The following CNTN5 variants were observed in gnomAD, a reference collection of about 807,000 sequenced individuals.
CNTN5 encodes the protein contactin-5.
In CNTN5, 77 loss-of-function variants were observed where a neutral mutation model predicts 129.1. That is an observed-to-expected ratio of 0.60 (90% confidence interval 0.50 to 0.72). The LOEUF is 0.72. Ranked by LOEUF, CNTN5 falls within the 30% of genes least tolerant of loss-of-function variation. The pLI is 0.00. For missense variants in CNTN5, 1,478 were observed against 1,328.8 expected, an observed-to-expected ratio of 1.11 and a Z score of -1.75; for synonymous variants, 509 against 465.6, an observed-to-expected ratio of 1.09 and a Z score of -1.20.
intron 1 of CNTN5, among the ~76,000 whole-genome samples, chr11:99,309,114 G>A (rs558453763): frequency 4.3e-4 from 65 of 151,832 alleles, no homozygotes; most frequent in Non-Finnish European, 7.7e-4. Flanking sequence ...TACAACATCA[G>A]GAGTTTTTAT....
intron 9 of CNTN5, among the ~76,000 whole-genome samples, chr11:100,003,085 T>C (rs553288256): frequency 2.8e-4 from 43 of 152,166 alleles, no homozygotes; most frequent in African/African-American, 9.6e-4. Flanking sequence ...CTAGCTAAGG[T>C]AGATTTAAGG....
intron 2 of CNTN5, among the ~76,000 whole-genome samples, chr11:99,469,457 T>C (rs1001469772): frequency 1.3e-5 from 2 of 152,108 alleles, no homozygotes; most frequent in Non-Finnish European, 2.9e-5. Context: ...CATGGTTCTC[T>C]TTCTTGTTTT....
At chr11:99,860,422 G>C (rs996495842) in intron 6 of CNTN5, among the ~76,000 whole-genome samples, 2 of 152,022 alleles carry the variant, frequency 1.3e-5, no homozygotes, top group African/African-American at 4.8e-5. Context: ...TTTCTTTTAG[G>C]ATTCTTATAG....
At chr11:99,409,157 A>G (rs942160485) in intron 2 of CNTN5, among the ~76,000 whole-genome samples, 4 of 152,212 alleles carry the variant, frequency 2.6e-5, no homozygotes, top group African/African-American at 9.6e-5. Context: ...AAGAGTTATT[A>G]GTCACTATCT....
At chr11:99,698,255 A>G (rs1954360039) in intron 3 of CNTN5, among the ~76,000 whole-genome samples, 1 of 125,498 alleles carries the variant, frequency 8.0e-6, no homozygotes, top group South Asian at 2.5e-4. Context: ...TTATTCAAAT[A>G]TTTTCTGTTT....
rs567234458 is a variant in CNTN5, at chr11:99,796,843, A to G, written c.56-22701A>G. Among the ~76,000 whole-genome samples the G allele has an allele frequency of 4.9e-4, 75 of 152,040 alleles. 1 individual carries two copies. Among genetic ancestry groups the G allele is most frequent in the Admixed American group, 2.0e-3 (31 of 15,278 alleles). On this transcript the variant is annotated intron_variant, in intron 3 of 24. Coordinates refer to ENST00000524871, the MANE Select transcript of CNTN5 (RefSeq NM_014361.4). ...TACACTGGCTGGGTTTTTTTCCCCT[A>G]CTACATCTCTAAGCAGCTCTCCCTG...
chr11:99,954,145 T>A (rs1294365094), intron 7 of CNTN5, among the ~76,000 whole-genome samples: 2 of 151,944 alleles, frequency 1.3e-5, no homozygotes, highest in African/African-American at 4.8e-5. Context: ...TAAAGGATAA[T>A]AATAAAAAAA....
intron 24 of CNTN5, 68 bp from the exon 25 acceptor site, chr11:100,356,049 A>C: frequency 9.5e-7 from 1 of 1,057,468 alleles, no homozygotes; most frequent in Non-Finnish European, 1.4e-6. Flanking sequence ...TACATACTAA[A>C]AACAATTCTG....
At chr11:99,286,806 G>A (rs966600592) in intron 1 of CNTN5, among the ~76,000 whole-genome samples, 1 of 152,074 alleles carries the variant, frequency 6.6e-6, no homozygotes, top group Non-Finnish European at 1.5e-5. Context: ...ACTTTATAAT[G>A]TAAGAAAAGG....
chr11:99,089,873 A>G (rs1866168628), intron 1 of CNTN5, among the ~76,000 whole-genome samples: 1 of 152,184 alleles, frequency 6.6e-6, no homozygotes, highest in African/African-American at 2.4e-5. Context: ...TTTACTTGCA[A>G]GGTAGTCTTT....
intron 10 of CNTN5, among the ~76,000 whole-genome samples, chr11:100,064,339 C>G (rs1014880696): frequency 6.6e-6 from 1 of 152,060 alleles, no homozygotes; most frequent in Non-Finnish European, 1.5e-5. Flanking sequence ...TATAAAAGTG[C>G]TATATAGATA....
chr11:99,652,977 T>C (rs1241784487), intron 3 of CNTN5, among the ~76,000 whole-genome samples: 2 of 151,958 alleles, frequency 1.3e-5, no homozygotes, highest in African/African-American at 2.4e-5. Context: ...TATATAAACC[T>C]TGGGGTAAGC....
chr11:99,124,703 G>A lies in CNTN5; in HGVS notation c.-210+103433G>A, dbSNP rs558921073. ...GTTTGTTAATTGAAAACATTAATAA[G>A]ATAGAGTGCTAGCTAGAGTAATAAG... On this transcript the variant is annotated intron_variant, in intron 1 of 24. Transcript: ENST00000524871. Among the ~76,000 whole-genome samples the A allele has an allele frequency of 3.3e-5, 5 of 151,798 alleles. No homozygotes were observed. In the South Asian group the frequency reaches 1.0e-3, roughly 32 times the overall value.
chr11:99,081,141 T>C (rs534478267), intron 1 of CNTN5, among the ~76,000 whole-genome samples: 1 of 152,280 alleles, frequency 6.6e-6, no homozygotes, highest in East Asian at 1.9e-4. Flanking sequence ...AAACAAAACA[T>C]CCCATTGTAC....
At chr11:100,182,989 ATATG>A (rs1299005178) in intron 13 of CNTN5, among the ~76,000 whole-genome samples, 2 of 152,162 alleles carry the variant, frequency 1.3e-5, no homozygotes, top group African/African-American at 2.4e-5. Context: ...ACCAAAGACA[ATATG>A]CAGATGGAAA....
intron 1 of CNTN5, among the ~76,000 whole-genome samples, chr11:99,039,717 T>C (rs1052430615): frequency 2.6e-5 from 4 of 152,150 alleles, no homozygotes; most frequent in Non-Finnish European, 4.4e-5. Flanking sequence ...GTGTACTTGC[T>C]CCTGAGCATT....
At chr11:99,823,687 A>T (rs1033218403) in intron 4 of CNTN5, among the ~76,000 whole-genome samples, 3 of 151,922 alleles carry the variant, frequency 2.0e-5, no homozygotes, top group Admixed American at 6.5e-5. Context: ...GTGACTATAT[A>T]TTAAGTTTAT....
chr11:99,774,173 G>C (rs1480222929), intron 3 of CNTN5, among the ~76,000 whole-genome samples: 1 of 151,856 alleles, frequency 6.6e-6, no homozygotes, highest in African/African-American at 2.4e-5. Flanking sequence ...TTCTAAGGAA[G>C]GAGCAGGAAC....
intron 7 of CNTN5, among the ~76,000 whole-genome samples, chr11:99,917,284 C>T (rs1247599237): frequency 6.6e-6 from 1 of 152,080 alleles, no homozygotes; most frequent in Non-Finnish European, 1.5e-5. Flanking sequence ...TTATTCTAAT[C>T]TTTCTGTGAA....
Sources: gnomAD v4.1 joint callset for allele counts (sites outside exome capture counted in the v4.1 genomes callset) on GRCh38, gnomAD v4.1.1 for gene constraint, MANE v1.5 for transcripts, NCBI Gene and HGNC (gene_info 2026-07-23, HGNC 2026-07-21) for gene names.